The following CHFR variants were observed in gnomAD, a reference collection of about 807,000 sequenced individuals.
CHFR encodes the protein checkpoint with forkhead and ring finger domains.
CHFR carries 57 observed loss-of-function variants against 87.6 expected under a neutral mutation model. That is an observed-to-expected ratio of 0.65 (90% CI 0.53 to 0.81). The LOEUF is 0.81. Among genes scored for constraint, CHFR ranks in the 30% least tolerant of loss-of-function variants. The probability of loss-of-function intolerance (pLI) is 0.00; values close to 1 mark genes in which losing one functional copy is unlikely to be tolerated. For synonymous variants in CHFR, 381 were observed against 359.2 expected (o/e 1.06, Z -0.69); for missense variants, 797 against 865.8 (o/e 0.92, Z 1.00).
chr12:132,876,890 G>A (rs1183769326), intron 3 of CHFR, among the ~76,000 whole-genome samples: 1 of 152,190 alleles, frequency 6.6e-6, no homozygotes, highest in Non-Finnish European at 1.5e-5. Context: ...CGACTCCCGG[G>A]TTCAAGTGAT....
chr12:132,861,946 C>T, intron 6 of CHFR: 2 of 335,016 alleles, frequency 6.0e-6, no homozygotes, highest in South Asian at 7.4e-5. Flanking sequence ...TACCCGTGGT[C>T]ATATGATACA....
At position 132,861,526 on chromosome 12, in the gene CHFR, G is replaced by T; in HGVS notation, c.692C>A (p.Ser231Ter). The change falls in exon 7 of 18, where the codon TCG becomes TAG. Residue 231 changes from serine to a stop codon, truncating the protein, a stop_gained. Transcript: ENST00000450056. LOFTEE classifies it high-confidence loss of function. ...ALPDRKTASF[S>*]SLEPQDQEDL... is the part of the protein sequence containing the mutation. ...CTCCTGATCCTGGGGTTCCAACGAC[G>T]AAAAGGACGCAGTCTTTCTGTCTGG... The T allele has an allele frequency of 6.2e-7, 1 of 1,614,194 alleles. No homozygotes were observed. Among genetic ancestry groups the T allele is most frequent in the South Asian group, 1.1e-5 (1 of 91,090 alleles).
At chr12:132,855,597 G>T (rs1257516591) in intron 10 of CHFR, among the ~76,000 whole-genome samples, 1 of 151,910 alleles carries the variant, frequency 6.6e-6, no homozygotes, top group Non-Finnish European at 1.5e-5. Flanking sequence ...AACCCAGGAG[G>T]TGGTGATTTC....
In CHFR at chr12:132,887,287, C is replaced by T. The variant is rs1184750358; in HGVS notation, c.42G>A (p.Gln14=). 7 of 1,487,638 alleles carry T rather than the reference C, an allele frequency of 4.7e-6. No individual in the cohort carries two copies. Among genetic ancestry groups the T allele is most frequent in the South Asian group, 1.3e-5 (1 of 79,102 alleles). 92.2% of individuals were successfully genotyped at this position (1,487,638 alleles called of 1,614,324 possible). Residue 14 remains glutamine, a synonymous_variant, in exon 2 of 18, where the codon CAG becomes CAA. Coordinates refer to ENST00000450056, the MANE Select transcript of CHFR (RefSeq NM_001161346.2). ...PEEGKQSPPP[Q]PWGRLLRLGA... is the part of the protein sequence containing the mutation. ...CCAGACGCAGGAGCCGTCCCCAGGGCTGCGGCGGCGGCGACTGCTTGCCTT... is the reference window on the plus strand; with the variant it reads ...CCAGACGCAGGAGCCGTCCCCAGGGTTGCGGCGGCGGCGACTGCTTGCCTT...
At chr12:132,853,363 C>T (rs1950988757) in intron 11 of CHFR, 68 bp downstream of exon 11, 9 of 1,402,840 alleles carry the variant, frequency 6.4e-6, no homozygotes, top group South Asian at 4.8e-5. Flanking sequence ...GCCACGTGCA[C>T]GTCAGCACCG....
chr12:132,867,727 G>T (rs975381884), intron 6 of CHFR: 1 of 152,100 alleles, frequency 6.6e-6, no homozygotes, highest in Non-Finnish European at 1.5e-5. Flanking sequence ...TGGAATGTAA[G>T]AACGCGAGAG....
At chr12:132,878,604 G>A (rs1379317430) in intron 2 of CHFR, among the ~76,000 whole-genome samples, 1 of 151,798 alleles carries the variant, frequency 6.6e-6, no homozygotes, top group Non-Finnish European at 1.5e-5. Context: ...CAGATCACAA[G>A]GTCAGGAGAT....
intron 10 of CHFR, chr12:132,854,213 A>C (rs1951012701): frequency 6.6e-6 from 1 of 152,208 alleles, no homozygotes; most frequent in African/African-American, 2.4e-5. Context: ...TTTTTTCATA[A>C]GGAAAAAATG....
chr12:132,887,429 C>A, intron 1 of CHFR, 89 bp from the exon 2 acceptor site: 2 of 1,032,872 alleles, frequency 1.9e-6, no homozygotes, highest in Non-Finnish European at 2.4e-6. Flanking sequence ...CCCGGCCCGG[C>A]CGCCCGCGCC....
Position 132,837,204 on chromosome 12 carries a change from G to A in CHFR, c.*4350C>T, listed in dbSNP as rs955124124. ...GGGGTCATACATGCTGGGCCTTCAA[G>A]GGCCATGATATGGTTATCATTACTA... On this transcript the variant is annotated 3_prime_UTR_variant, in exon 18 of 18. Transcript: ENST00000450056. The A allele has an allele frequency of 8.2e-6, 2 of 242,822 alleles. No homozygotes were observed. Among genetic ancestry groups the A allele is most frequent in the African/African-American group, 4.6e-5 (2 of 43,414 alleles). The allele number at this position is 242,822 out of a possible 1,614,324, so 15.0% of individuals were successfully genotyped here.
chr12:132,857,648 G>A (rs1951112941), intron 8 of CHFR, 89 bp from the exon 9 acceptor site: 2 of 1,235,292 alleles, frequency 1.6e-6, no homozygotes, highest in African/African-American at 1.5e-5. Context: ...CACCACGGAA[G>A]GGCCTACAGG....
intron 7 of CHFR, among the ~76,000 whole-genome samples, chr12:132,860,728 C>G (rs962851134): frequency 6.6e-6 from 1 of 152,198 alleles, no homozygotes; most frequent in East Asian, 1.9e-4. Flanking sequence ...AAATTATTGT[C>G]CTACCAGGAC....
At chr12:132,849,438 C>A (rs1445611899) in intron 12 of CHFR, 1 of 152,228 alleles carries the variant, frequency 6.6e-6, no homozygotes, top group Non-Finnish European at 1.5e-5. Flanking sequence ...AGACCCACAT[C>A]GTTTCTTAAA....
intron 4 of CHFR, among the ~76,000 whole-genome samples, chr12:132,871,163 CA>C (rs1157753817): frequency 6.6e-6 from 1 of 152,220 alleles, no homozygotes; most frequent in Non-Finnish European, 1.5e-5. Context: ...TTAGGTATTT[CA>C]GGGGTGGCCA....
intron 6 of CHFR, chr12:132,862,033 G>A (rs1230841648): frequency 4.8e-6 from 1 of 206,294 alleles, no homozygotes; most frequent in Non-Finnish European, 1.0e-5. Context: ...AGCACGTTGG[G>A]AGGCCGAAGC....
intron 7 of CHFR, among the ~76,000 whole-genome samples, chr12:132,861,228 T>C (rs541303770): frequency 1.5e-4 from 23 of 152,278 alleles, no homozygotes; most frequent in African/African-American, 5.5e-4. Flanking sequence ...AATGCACTAT[T>C]TCCAGACCAA....
Position 132,859,094 on chromosome 12 carries a change from G to A in CHFR, c.885C>T (p.Cys295=), listed in dbSNP as rs146107503. Residue 295 remains cysteine, a synonymous_variant, in exon 8 of 18, where the codon TGC becomes TGT. Coordinates refer to ENST00000450056, the MANE Select transcript of CHFR (RefSeq NM_001161346.2). ...TCACGCAGTCGTGCAGCAGGTCCTG[G>A]CAGATGATGCATGTCAGCGTCTCCT... ...KMEETLTCII[C]QDLLHDCVSL... 5.6e-6 allele frequency: 9 copies of A among 1,613,944 alleles called. No homozygotes were observed. In the African/African-American group the frequency reaches 9.3e-5, roughly 17 times the overall value.
At position 132,887,342 on chromosome 12, in the gene CHFR, T is replaced by G; in HGVS notation, c.-12-2A>C. 1.4e-6 allele frequency: 2 copies of G among 1,419,174 alleles called. No individual in the cohort carries two copies. The highest frequency in any genetic ancestry group is 9.2e-7 in the Non-Finnish European group (1 of 1,088,818). The allele number at this position is 1,419,174 out of a possible 1,614,324, so 87.9% of individuals were successfully genotyped here. A position where few individuals can be genotyped will look rare whatever the true frequency, so the allele number is the denominator to read the frequency against. ...GGGCCGCTCCATCGGGATTCACATC[T>G]GCGGAGACCCCGGAAACGCCCATGG... On this transcript the variant is annotated splice_acceptor_variant, in intron 1 of 17. Coordinates refer to ENST00000450056, the MANE Select transcript of CHFR (RefSeq NM_001161346.2). LOFTEE classifies it low-confidence loss of function (5UTR_SPLICE).
At chr12:132,846,175 G>A (rs1316002744) in intron 15 of CHFR, among the ~76,000 whole-genome samples, 1 of 152,092 alleles carries the variant, frequency 6.6e-6, no homozygotes, top group Non-Finnish European at 1.5e-5. Context: ...AGGGTCTCAA[G>A]CAGCAGTAGT....
Sources: allele counts gnomAD v4.1 joint callset (sites outside exome capture counted in the v4.1 genomes callset), GRCh38; gene constraint gnomAD v4.1.1; transcripts MANE v1.5; gene names NCBI Gene and HGNC (gene_info 2026-07-23, HGNC 2026-07-21).